The following TEX15 variants were observed in gnomAD, a reference collection of about 807,000 sequenced individuals.
The protein encoded by TEX15 is testis-expressed protein 15.
In TEX15, 171 loss-of-function variants were observed where a neutral mutation model predicts 237.3. That is an observed-to-expected ratio of 0.72 (90% confidence interval 0.64 to 0.82). The LOEUF (loss-of-function observed/expected upper bound fraction) is 0.82. Among genes scored for constraint, TEX15 ranks in the 40% least tolerant of loss-of-function variants. TEX15 has a pLI of 0.00. For missense variants in TEX15, 3,750 were observed against 3,646.5 expected, an observed-to-expected ratio of 1.03 and a Z score of -0.73; for synonymous variants, 1,338 against 1,269.8, an observed-to-expected ratio of 1.05 and a Z score of -1.14.
chr8:30,849,035 C>T lies in TEX15; in HGVS notation c.1132G>A (p.Asp378Asn), dbSNP rs766013009. The T allele has an allele frequency of 3.1e-6, 5 of 1,614,130 alleles. No homozygotes were observed. The highest frequency in any genetic ancestry group is 4.2e-6 in the Non-Finnish European group (5 of 1,180,008). Residue 378 changes from aspartate to asparagine, a missense_variant, in exon 8 of 11, where the codon GAT (aspartate) becomes AAT (asparagine). Transcript: ENST00000643185. ...CTGGGCATAAGTGAAATGTCTGAAT[C>T]ATGTGCAAGTACTTGAGAAGTGTCT... ...IRDTSQVLAH[D>N]SDISLMPSDA...
intron 1 of TEX15, among the ~76,000 whole-genome samples, chr8:30,910,609 CCTT>C (rs953323454): frequency 3.7e-5 from 5 of 133,406 alleles, no homozygotes; most frequent in Non-Finnish European, 6.2e-5. Context: ...CCACGCCTGG[CCTT>C]TTTTTTTTTT....
chr8:30,867,288 C>G lies in TEX15; in HGVS notation c.517G>C (p.Val173Leu), dbSNP rs1404837080. ...ACCTTAAAAATTAAAATACTTTCTA[C>G]AGTAATGCTTTGACTATGAGAATAA... ...LNYSHSQSIT[V>L]ESILIFKVLF... The change falls in exon 5 of 11, where the codon GTA becomes CTA. Residue 173 changes from valine to leucine, a missense_variant. Transcript: ENST00000643185. The G allele has an allele frequency of 1.3e-6, 2 of 1,493,408 alleles. No homozygotes were observed. The highest frequency in any genetic ancestry group is 1.8e-6 in the Non-Finnish European group (2 of 1,108,890). The allele number at this position is 1,493,408 out of a possible 1,614,324, so 92.5% of individuals were successfully genotyped here.
chr8:30,887,873 T>A (rs28442127), intron 2 of TEX15: 2,758 of 141,498 alleles, frequency 0.019, 92 homozygotes, highest in African/African-American at 0.066. Flanking sequence ...CACATATATA[T>A]TTCACATATA....
At chr8:30,864,440 G>C (rs1808114207) in intron 5 of TEX15, among the ~76,000 whole-genome samples, 1 of 151,298 alleles carries the variant, frequency 6.6e-6, no homozygotes, top group Non-Finnish European at 1.5e-5. Context: ...TCTGATGAAA[G>C]ACATATATAT....
At chr8:30,874,442 C>T (rs1264926010) in intron 4 of TEX15, among the ~76,000 whole-genome samples, 1 of 152,060 alleles carries the variant, frequency 6.6e-6, no homozygotes, top group African/African-American at 2.4e-5. Flanking sequence ...TTCCAAAAAA[C>T]CTGGAGAAGT....
intron 1 of TEX15, among the ~76,000 whole-genome samples, chr8:30,907,648 A>G (rs1369613466): frequency 2.1e-5 from 3 of 143,484 alleles, no homozygotes; most frequent in African/African-American, 7.6e-5. Flanking sequence ...TCTAATTTAT[A>G]TATTATATAT....
At position 30,847,076 on chromosome 8, in the gene TEX15, T is replaced by C. The variant is rs1807636181; in HGVS notation, c.3091A>G (p.Ile1031Val). The C allele has an allele frequency of 6.2e-7, 1 of 1,613,078 alleles. No individual in the cohort carries two copies. The highest frequency in any genetic ancestry group is 1.3e-5 in the African/African-American group (1 of 74,856). Residue 1031 changes from isoleucine to valine, a missense_variant, in exon 8 of 11, where the codon ATT becomes GTT. Transcript: ENST00000643185. ...LVKHRVSDCE[I>V]DTDKNKSQES... ...TGTGATTTATTTTTATCCGTATCAA[T>C]TTCACAATCAGAAACCCTATGTTTT... is the stretch of plus-strand genomic sequence containing the variant.
chr8:30,846,209 G>C lies in TEX15; in HGVS notation c.3958C>G (p.Arg1320Gly). 1 of 1,613,150 alleles carries C rather than the reference G, an allele frequency of 6.2e-7. No homozygotes were observed. Among genetic ancestry groups the C allele is most frequent in the East Asian group, 2.2e-5 (1 of 44,842 alleles). Residue 1320 changes from arginine (R) to glycine (G), a missense_variant, in exon 8 of 11, where the codon CGA (arginine) becomes GGA (glycine). Transcript: ENST00000643185. ...DQNIPHKDLRRHKIYGRKRRL... is the reference protein window; with the variant it reads ...DQNIPHKDLRGHKIYGRKRRL... ...CTCTTTCTCCCATAAATTTTATGTC[G>C]TCTTAAATCTTTATGTGGTATGTTC...
Position 30,836,205 on chromosome 8 carries a change from G to GTTTTTTTTTTTTTTTT in TEX15, c.9481+582_9481+597dup, listed in dbSNP as rs33984716. The stretch of plus-strand genomic sequence containing the variant: ...TGGTTGCGTCACATTTCACTGTATC[G>GTTTTTTTTTTTTTTTT]TTTTTTTTTTTTTTTTTTTTTTTTT... On this transcript the variant is annotated intron_variant, in intron 10 of 10. Transcript: ENST00000643185. Among the ~76,000 whole-genome samples the GTTTTTTTTTTTTTTTT allele has an allele frequency of 4.6e-5, 2 of 43,278 alleles. 1 individual carries two copies. The highest frequency in any genetic ancestry group is 7.7e-5 in the Non-Finnish European group (2 of 25,858). 28.4% of individuals were successfully genotyped at this position (43,278 alleles called of 152,430 possible).
In TEX15 at chr8:30,843,561, T is replaced by A. The variant is rs1408651267; in HGVS notation, c.6606A>T (p.Gly2202=). The A allele has an allele frequency of 1.9e-6, 3 of 1,613,118 alleles. No homozygotes were observed. The South Asian group carries it at 3.3e-5, about 18-fold the overall frequency. The change falls in exon 8 of 11, where the codon GGA becomes GGT. Residue 2202 remains glycine (G), a synonymous_variant. Coordinates refer to ENST00000643185, the MANE Select transcript of TEX15 (RefSeq NM_001350162.2). ...SVPFTCGVNF[G]DSLEDLEILR... ...AGATTTCCAGGTCTTCTAAACTATC[T>A]CCAAAGTTAACTCCACAGGTAAATG...
rs1169547768 is a variant in TEX15 at position 30,847,112 on chromosome 8, C to T, written c.3055G>A (p.Gly1019Ser). 17 of 1,613,586 alleles carry T rather than the reference C, an allele frequency of 1.1e-5. No individual in the cohort carries two copies. The highest frequency in any genetic ancestry group is 1.4e-5 in the Non-Finnish European group (17 of 1,179,804). The part of the protein sequence containing the change: ...ETCSSESPDF[G>S]LLVKHRVSDC... ...GAAACCCTATGTTTTACTAACAAAC[C>T]AAAATCTGGACTTTCAGAAGAACAA... is the stretch of plus-strand genomic sequence containing the variant. The change falls in exon 8 of 11, where the codon GGT becomes AGT. Residue 1019 changes from glycine to serine, a missense_variant. Gly to Ser is a moderately conservative substitution (Grantham distance 56). Transcript: ENST00000643185.
Position 30,837,994 on chromosome 8 carries a change from T to C in TEX15, c.8290A>G (p.Asn2764Asp), listed in dbSNP as rs537009412. The change falls in exon 10 of 11, where the codon AAT becomes GAT. Residue 2764 changes from asparagine (N) to aspartate (D), a missense_variant. Transcript: ENST00000643185. ...TCAACCTTTTTTGGCGTTAAATGAT[T>C]TCTTTTCAGACTGTCACATGAACTT... ...VPSSCDSLKRNHLTPKKVEMQ... is the reference protein window; with the variant it reads ...VPSSCDSLKRDHLTPKKVEMQ... 2.8e-5 allele frequency: 45 copies of C among 1,614,116 alleles called. No individual in the cohort carries two copies. The East Asian group carries it at 9.6e-4, about 34-fold the overall frequency.
At chr8:30,909,000 C>G (rs1166314953) in intron 1 of TEX15, among the ~76,000 whole-genome samples, 1 of 152,072 alleles carries the variant, frequency 6.6e-6, no homozygotes, top group Admixed American at 6.6e-5. Context: ...TGCTGTGCAA[C>G]GTGTAAATGT....
chr8:30,836,251 A>G (rs1010005854), intron 10 of TEX15, among the ~76,000 whole-genome samples: 5 of 104,068 alleles, frequency 4.8e-5, no homozygotes, highest in Admixed American at 1.6e-4. Context: ...GTCTCGTTCT[A>G]TCACCCAGGC....
In TEX15 at chr8:30,832,385, T is replaced by G. The variant is rs1270292376; in HGVS notation, c.*901A>C. ...ACTAGGATCTTACAGAAAACAGGAA[T>G]AGCTGTTGAGCAAGAAAGGTAATAC... On this transcript the variant is annotated 3_prime_UTR_variant, in exon 11 of 11. Transcript: ENST00000643185. The G allele has an allele frequency of 6.6e-6, 1 of 152,196 alleles. No homozygotes were observed. Among genetic ancestry groups the G allele is most frequent in the African/African-American group, 2.4e-5 (1 of 41,452 alleles). The allele number at this position is 152,196 out of a possible 1,614,324, so 9.4% of individuals were successfully genotyped here.
chr8:30,850,803 C>G (rs549274609), intron 7 of TEX15, among the ~76,000 whole-genome samples: 52 of 151,984 alleles, frequency 3.4e-4, no homozygotes, highest in African/African-American at 1.2e-3. Flanking sequence ...AAAAGTAAAA[C>G]ATGATGTCAA....
rs377544553 is a variant in TEX15, at chr8:30,847,455, GTCC to G, written c.2709_2711del (p.Glu903del). ...AAATTTCTATATTGTGGTAATTTTT[GTCC>G]TCCTTTTCATCTATATTGCTGAAAT... On this transcript the variant is annotated inframe_deletion, in exon 8 of 11. Coordinates refer to ENST00000643185, the MANE Select transcript of TEX15 (RefSeq NM_001350162.2). The G allele has an allele frequency of 2.1e-4, 344 of 1,611,160 alleles. No individual in the cohort carries two copies. In the African/African-American group the frequency reaches 3.8e-3, roughly 18 times the overall value.
chr8:30,847,478 T>C lies in TEX15; in HGVS notation c.2689A>G (p.Ser897Gly), dbSNP rs1444655131. The C allele has an allele frequency of 3.1e-6, 5 of 1,612,818 alleles. No individual in the cohort carries two copies. Among genetic ancestry groups the C allele is most frequent in the Non-Finnish European group, 4.2e-6 (5 of 1,179,764 alleles). ...TTGTCCTCCTTTTCATCTATATTGC[T>C]GAAATTTTCGTTTGTATGAGAATCC... is the stretch of plus-strand genomic sequence containing the variant. The part of the protein sequence containing the change: ...KQDSHTNENF[S>G]NIDEKEDKNY... The change falls in exon 8 of 11, where the codon AGC (serine) becomes GGC (glycine). Residue 897 changes from serine (S) to glycine (G), a missense_variant. By Grantham distance (56) the Ser-to-Gly change is moderately conservative. Coordinates refer to ENST00000643185, the MANE Select transcript of TEX15 (RefSeq NM_001350162.2).
At chr8:30,838,804 A>C (rs1477385837) in intron 9 of TEX15, among the ~76,000 whole-genome samples, 1 of 115,158 alleles carries the variant, frequency 8.7e-6, no homozygotes, top group Non-Finnish European at 1.7e-5. Context: ...ATATATATAT[A>C]TATATATATA....
Sources: gnomAD v4.1 joint callset for allele counts (sites outside exome capture counted in the v4.1 genomes callset) on GRCh38, gnomAD v4.1.1 for gene constraint, MANE v1.5 for transcripts, NCBI Gene and HGNC (gene_info 2026-07-23, HGNC 2026-07-21) for gene names.